Variants in PTPRC observed in about 807,000 individuals in gnomAD.
The protein encoded by PTPRC is protein tyrosine phosphatase receptor type C.
In PTPRC, 44 loss-of-function variants were observed where a neutral mutation model predicts 155.9. That is an observed-to-expected ratio of 0.28 (90% CI 0.22 to 0.36). PTPRC has a LOEUF of 0.36. Ranked by LOEUF, PTPRC falls within the 10% of genes least tolerant of loss-of-function variation. The pLI is 1.00. For missense variants in PTPRC, 1,401 were observed against 1,564.6 expected, an observed-to-expected ratio of 0.90 and a Z score of 1.76; for synonymous variants, 525 against 533.1, an observed-to-expected ratio of 0.98 and a Z score of 0.21.
chr1:198,743,925 T>C, intron 25 of PTPRC, 129 bp from the exon 26 acceptor site: 1 of 853,416 alleles, frequency 1.2e-6, no homozygotes, highest in Non-Finnish European at 1.9e-6. Flanking sequence ...ATATTATAGA[T>C]ATCAATTTAC....
chr1:198,735,804 A>G (rs1303077878), intron 23 of PTPRC, among the ~76,000 whole-genome samples: 2 of 151,592 alleles, frequency 1.3e-5, no homozygotes, highest in Admixed American at 6.6e-5. Flanking sequence ...AGGCAAGTCA[A>G]TAAAGACAGA....
chr1:198,752,156 C>T (rs1410633730), intron 29 of PTPRC, 93 bp from the exon 30 acceptor site: 2 of 1,371,776 alleles, frequency 1.5e-6, no homozygotes, highest in African/African-American at 2.9e-5. Flanking sequence ...AGAAAAGAGG[C>T]ACAGACAGAG....
At chr1:198,656,428 C>T (rs1663570677) in intron 2 of PTPRC, among the ~76,000 whole-genome samples, 1 of 152,070 alleles carries the variant, frequency 6.6e-6, no homozygotes, top group Non-Finnish European at 1.5e-5. Context: ...ATCTATTATT[C>T]TCAGTTTTTG....
At chr1:198,724,395 C>T (rs545410566) in intron 15 of PTPRC, among the ~76,000 whole-genome samples, 1 of 152,242 alleles carries the variant, frequency 6.6e-6, no homozygotes, top group South Asian at 2.1e-4. Flanking sequence ...CTGATCTGGA[C>T]TCTCACATGC....
chr1:198,690,883 C>A (rs76083778), intron 2 of PTPRC, among the ~76,000 whole-genome samples: 11,692 of 152,132 alleles, frequency 0.077, 488 homozygotes, highest in Non-Finnish European at 0.098. Context: ...TAGTTCCCAT[C>A]ATGCCAAGAA....
rs540354263 is a variant in PTPRC at position 198,689,991 on chromosome 1, TG to T, written c.74-2355del. Reference sequence around the variant, plus strand: ...CTCCAACAGCATACCAGCAAAACAATGTATGTTTCTTGAACCTAAGTGAACT... The same window carrying T: ...CTCCAACAGCATACCAGCAAAACAATTATGTTTCTTGAACCTAAGTGAACT... On this transcript the variant is annotated intron_variant, in intron 2 of 32. Coordinates refer to ENST00000442510, the MANE Select transcript of PTPRC (RefSeq NM_002838.5). Among the ~76,000 whole-genome samples, 230 of 152,234 alleles carry T rather than the reference TG, an allele frequency of 1.5e-3. 1 individual carries two copies. Among genetic ancestry groups the T allele is most frequent in the Non-Finnish European group, 2.6e-3 (178 of 67,972 alleles).
Position 198,718,318 on chromosome 1 carries a change from CTACATTACTATAG to C in PTPRC, c.1659+20_1659+32del. ...CACTTTTAAGGTAAAAGTATGCTCT[CTACATTACTATAG>C]TACCAACTACATTATAATGATTGAT... On this transcript the variant is annotated intron_variant, in intron 14 of 32. Coordinates refer to ENST00000442510, the MANE Select transcript of PTPRC (RefSeq NM_002838.5). The C allele has an allele frequency of 6.4e-7, 1 of 1,569,356 alleles. No homozygotes were observed. The highest frequency in any genetic ancestry group is 8.8e-7 in the Non-Finnish European group (1 of 1,141,358).
At chr1:198,642,193 GTTCT>G (rs1291062892) in intron 2 of PTPRC, among the ~76,000 whole-genome samples, 1 of 151,942 alleles carries the variant, frequency 6.6e-6, no homozygotes. Context: ...CTTGAACTTA[GTTCT>G]TTCTTTGTTC....
At chr1:198,729,305 A>G (rs1654284242) in intron 17 of PTPRC, 134 bp downstream of exon 17, 1 of 1,141,342 alleles carries the variant, frequency 8.8e-7, no homozygotes, top group South Asian at 2.2e-5. Flanking sequence ...GTGGTGGTGC[A>G]ATCTCTGCTT....
intron 17 of PTPRC, 51 bp downstream of exon 17, chr1:198,729,222 CCATT>C: frequency 6.5e-7 from 1 of 1,535,174 alleles, no homozygotes; most frequent in Non-Finnish European, 8.8e-7. Flanking sequence ...GCATTTGAAT[CCATT>C]CATTTTATTT....
Position 198,756,125 on chromosome 1 carries a change from G to T in PTPRC, c.3865G>T (p.Gly1289Trp). ...EGSEPTSGTE[G>W]PEHSVNGPAS... ...TTCTGAACCCACGAGTGGCACTGAG[G>T]GGCCAGAACATTCTGTCAATGGTCC... The change falls in exon 33 of 33, where the codon GGG (glycine) becomes TGG (tryptophan). Residue 1289 changes from glycine to tryptophan, a missense_variant. Around this residue, in one of 3 missense-constraint regions of PTPRC, gnomAD observed 400 missense variants for 389.5 expected, o/e 1.03. Coordinates refer to ENST00000442510, the MANE Select transcript of PTPRC (RefSeq NM_002838.5). 2 of 1,613,298 alleles carry T rather than the reference G, an allele frequency of 1.2e-6. No individual in the cohort carries two copies. The highest frequency in any genetic ancestry group is 8.5e-7 in the Non-Finnish European group (1 of 1,179,622).
chr1:198,752,513 CTG>C, intron 30 of PTPRC, 79 bp from the exon 31 acceptor site: 2 of 1,524,618 alleles, frequency 1.3e-6, no homozygotes, highest in Non-Finnish European at 1.8e-6. Flanking sequence ...ATAGAAGTAA[CTG>C]TGAAGAAAAT....
At chr1:198,667,218 G>T (rs1464641487) in intron 2 of PTPRC, among the ~76,000 whole-genome samples, 1 of 152,146 alleles carries the variant, frequency 6.6e-6, no homozygotes, top group Non-Finnish European at 1.5e-5. Context: ...ACACTTATTG[G>T]CCAGAAATTT....
intron 2 of PTPRC, among the ~76,000 whole-genome samples, chr1:198,686,861 C>T (rs1665650935): frequency 6.6e-6 from 1 of 152,308 alleles, no homozygotes; most frequent in African/African-American, 2.4e-5. Context: ...AGGCTGTCTA[C>T]ATACATAAAA....
rs1270446805 is a variant in PTPRC, at chr1:198,756,112, G to A, written c.3852G>A (p.Thr1284=). The A allele has an allele frequency of 1.5e-5, 25 of 1,613,360 alleles. No individual in the cohort carries two copies. The highest frequency in any genetic ancestry group is 2.7e-5 in the African/African-American group (2 of 74,978). ...AKEQAEGSEP[T]SGTEGPEHSV... ...AACAGGCTGAAGGTTCTGAACCCAC[G>A]AGTGGCACTGAGGGGCCAGAACATT... The change falls in exon 33 of 33, where the codon ACG becomes ACA. Residue 1284 remains threonine (T), a synonymous_variant. Coordinates refer to ENST00000442510, the MANE Select transcript of PTPRC (RefSeq NM_002838.5).
Position 198,705,326 on chromosome 1 carries a change from C to T in PTPRC, c.685+828C>T, listed in dbSNP as rs184970848. 2.8e-3 allele frequency among the ~76,000 whole-genome samples: 421 copies of T among 152,038 alleles called. 1 individual carries two copies. Among genetic ancestry groups the T allele is most frequent in the African/African-American group, 8.4e-3 (350 of 41,468 alleles). On this transcript the variant is annotated intron_variant, in intron 8 of 32. Coordinates refer to ENST00000442510, the MANE Select transcript of PTPRC (RefSeq NM_002838.5). ...TGTAATCCGGTTGTCATTCATCTCT[C>T]CTCCCGCCTCTTGAATCATTGCCTC...
Position 198,731,393 on chromosome 1 carries a change from C to G in PTPRC, c.1865-224C>G, listed in dbSNP as rs1235471374. Among the ~76,000 whole-genome samples, 3 of 151,914 alleles carry G rather than the reference C, an allele frequency of 2.0e-5. No homozygotes were observed. The East Asian group carries it at 5.8e-4, about 29-fold the overall frequency. ...AGCATAGAAAATGGGGAAGAACATT[C>G]TAGTAGAGAGAACAATATAAAGCCC... On this transcript the variant is annotated intron_variant, in intron 17 of 32. Transcript: ENST00000442510.
In PTPRC at chr1:198,724,878, T is replaced by A. The variant is rs184647972; in HGVS notation, c.1720+2402T>A. Among the ~76,000 whole-genome samples, 75 of 152,314 alleles carry A rather than the reference T, an allele frequency of 4.9e-4. No homozygotes were observed. In the East Asian group the frequency reaches 0.014, roughly 29 times the overall value. On this transcript the variant is annotated intron_variant, in intron 15 of 32. Coordinates refer to ENST00000442510, the MANE Select transcript of PTPRC (RefSeq NM_002838.5). ...GTGCAGTGGCATAATCTCGGCTCACTGCAACTTCTGCCTCCTGGGTTCAAG... is the reference window on the plus strand; with the variant it reads ...GTGCAGTGGCATAATCTCGGCTCACAGCAACTTCTGCCTCCTGGGTTCAAG...
intron 2 of PTPRC, among the ~76,000 whole-genome samples, chr1:198,666,011 G>A (rs780835989): frequency 1.3e-5 from 2 of 152,000 alleles, no homozygotes; most frequent in African/African-American, 4.8e-5. Flanking sequence ...GAGGCCAAGG[G>A]GGGAGAATCA....
Sources: gnomAD v4.1 joint callset for allele counts (sites outside exome capture counted in the v4.1 genomes callset) on GRCh38, gnomAD v4.1.1 for gene constraint, gnomAD v4.1.1 regional missense constraint, MANE v1.5 for transcripts, NCBI Gene and HGNC (gene_info 2026-07-23, HGNC 2026-07-21) for gene names.